NKAIN3: variants seen among roughly 807,000 people sequenced by gnomAD.
The protein encoded by NKAIN3 is sodium/potassium-transporting ATPase subunit beta-1-interacting protein 3.
Under a neutral mutation model 30.2 loss-of-function variants are expected in NKAIN3, and 25 were observed. The ratio of observed to expected loss-of-function variants is 0.83; its 90% confidence interval spans 0.60 to 1.16. NKAIN3 has a LOEUF of 1.16. Among genes scored for constraint, NKAIN3 ranks in the 50% most tolerant of loss-of-function variants. The probability of loss-of-function intolerance (pLI) is 0.00; values close to 1 mark genes in which losing one functional copy is unlikely to be tolerated. For missense variants in NKAIN3, 225 were observed against 254.1 expected (o/e 0.89, Z 0.78); for synonymous variants, 91 against 89.6 (o/e 1.02, Z -0.09).
At position 62,984,895 on chromosome 8, in the gene NKAIN3, T is replaced by C. The variant is rs1360360209; in HGVS notation, c.*19488T>C. 6.6e-6 allele frequency: 1 copy of C among 152,236 alleles called. No individual in the cohort carries two copies. The highest frequency in any genetic ancestry group is 1.5e-5 in the Non-Finnish European group (1 of 68,034). 9.4% of individuals were successfully genotyped at this position (152,236 alleles called of 1,614,324 possible). On this transcript the variant is annotated 3_prime_UTR_variant, in exon 7 of 7. Transcript: ENST00000623646. Reference sequence around the variant, plus strand: ...TTCAACTATGAATAAAAATGTACACTGAAGTACAAGATGACTACTGTTTTT... The same window carrying C: ...TTCAACTATGAATAAAAATGTACACCGAAGTACAAGATGACTACTGTTTTT...
At position 62,257,408 on chromosome 8, in the gene NKAIN3, T is replaced by C. The variant is rs1192380914; in HGVS notation, c.54+8281T>C. 2.0e-5 allele frequency among the ~76,000 whole-genome samples: 3 copies of C among 152,216 alleles called. No individual in the cohort carries two copies. In the East Asian group the frequency reaches 5.8e-4, roughly 29 times the overall value. On this transcript the variant is annotated intron_variant, in intron 1 of 6. Transcript: ENST00000623646. ...ACTTCATATTCTTTACGCTGAAACC[T>C]AATTTGTTTTTAATTCTTTAGGTTG...
intron 4 of NKAIN3, among the ~76,000 whole-genome samples, chr8:62,802,740 A>G (rs2130697320): frequency 6.6e-6 from 1 of 152,318 alleles, no homozygotes; most frequent in East Asian, 1.9e-4. Flanking sequence ...CATCATAATG[A>G]CAGGATCAAA....
intron 1 of NKAIN3, among the ~76,000 whole-genome samples, chr8:62,476,724 G>T (rs1433012590): frequency 6.6e-6 from 1 of 152,034 alleles, no homozygotes; most frequent in Non-Finnish European, 1.5e-5. Flanking sequence ...CAAAGTGCTG[G>T]GATTACAGGC....
rs77295305 is a variant in NKAIN3, at chr8:62,440,732, G to A, written c.55-138807G>A. 5.4e-3 allele frequency among the ~76,000 whole-genome samples: 816 copies of A among 150,110 alleles called. 5 individuals are homozygous for A. Among genetic ancestry groups the A allele is most frequent in the Non-Finnish European group, 8.8e-3 (594 of 67,740 alleles). Reference sequence around the variant, plus strand: ...TTTTTTTCTTCAAGAGAGAGCTAACGACTGTGAAATACAGATGTCAATGAA... The same window carrying A: ...TTTTTTTCTTCAAGAGAGAGCTAACAACTGTGAAATACAGATGTCAATGAA... On this transcript the variant is annotated intron_variant, in intron 1 of 6. Transcript: ENST00000623646.
At chr8:62,915,654 G>A (rs1822073548) in intron 4 of NKAIN3, among the ~76,000 whole-genome samples, 1 of 152,050 alleles carries the variant, frequency 6.6e-6, no homozygotes, top group African/African-American at 2.4e-5. Flanking sequence ...ATGCTTGCAG[G>A]TATACACATA....
At chr8:62,543,484 GAC>G (rs1808908200) in intron 1 of NKAIN3, among the ~76,000 whole-genome samples, 1 of 152,156 alleles carries the variant, frequency 6.6e-6, no homozygotes, top group Non-Finnish European at 1.5e-5. Flanking sequence ...GCTTCAATGT[GAC>G]ACCTTTGAGG....
chr8:62,735,892 G>A (rs75641969), intron 3 of NKAIN3, among the ~76,000 whole-genome samples: 4,502 of 152,110 alleles, frequency 0.03, 235 homozygotes, highest in African/African-American at 0.1. Context: ...GAGCTGAACT[G>A]CAGTGATTGT....
chr8:62,866,347 C>G (rs1477582566), intron 4 of NKAIN3, among the ~76,000 whole-genome samples: 1 of 152,198 alleles, frequency 6.6e-6, no homozygotes, highest in Non-Finnish European at 1.5e-5. Flanking sequence ...TCAAAGGTAA[C>G]AGTGATCATA....
intron 3 of NKAIN3, among the ~76,000 whole-genome samples, chr8:62,613,391 C>T (rs745863340): frequency 5.3e-5 from 8 of 152,124 alleles, no homozygotes; most frequent in Non-Finnish European, 7.4e-5. Context: ...TGCTGCCAGA[C>T]GTATTGGAGC....
At chr8:62,949,676 T>C (rs1346552819) in intron 5 of NKAIN3, among the ~76,000 whole-genome samples, 1 of 152,114 alleles carries the variant, frequency 6.6e-6, no homozygotes. Flanking sequence ...CAGCCCACTG[T>C]GTGGCTGGCT....
chr8:62,356,580 G>A lies in NKAIN3; in HGVS notation c.54+107453G>A, dbSNP rs150091814. Among the ~76,000 whole-genome samples, 44 of 152,064 alleles carry A rather than the reference G, an allele frequency of 2.9e-4. No individual in the cohort carries two copies. The East Asian group carries it at 7.7e-3, about 27-fold the overall frequency. ...CAAATTTTTACCTTAGTATATCCTC[G>A]TCTTTATGGTCCTCTTATCCTAACT... On this transcript the variant is annotated intron_variant, in intron 1 of 6. Coordinates refer to ENST00000623646, the MANE Select transcript of NKAIN3 (RefSeq NM_001304533.3).
chr8:62,735,018 T>A (rs1161222823), intron 3 of NKAIN3, among the ~76,000 whole-genome samples: 6 of 152,210 alleles, frequency 3.9e-5, no homozygotes, highest in African/African-American at 1.4e-4. Flanking sequence ...TGCTTTTGCC[T>A]CACAGCTCTT....
chr8:62,867,395 A>G (rs1820460642), intron 4 of NKAIN3, among the ~76,000 whole-genome samples: 3 of 152,228 alleles, frequency 2.0e-5, no homozygotes, highest in South Asian at 2.1e-4. Flanking sequence ...TGCCTAGCAC[A>G]GTGTATAATC....
intron 3 of NKAIN3, among the ~76,000 whole-genome samples, chr8:62,632,571 C>T (rs555755104): frequency 6.6e-6 from 1 of 152,118 alleles, no homozygotes; most frequent in African/African-American, 2.4e-5. Flanking sequence ...GGCATGATCT[C>T]GGCTCACTGA....
At chr8:62,381,221 G>A (rs948451843) in intron 1 of NKAIN3, among the ~76,000 whole-genome samples, 1 of 151,992 alleles carries the variant, frequency 6.6e-6, no homozygotes, top group Non-Finnish European at 1.5e-5. Context: ...TCATTGATAA[G>A]TTCTCCTGTA....
At chr8:62,870,164 C>T (rs758526802) in intron 4 of NKAIN3, among the ~76,000 whole-genome samples, 2 of 103,402 alleles carry the variant, frequency 1.9e-5, no homozygotes, top group East Asian at 4.5e-4. Context: ...TGTGACTTTG[C>T]CTTATAATCC....
intron 5 of NKAIN3, among the ~76,000 whole-genome samples, chr8:62,931,107 C>A (rs1242415162): frequency 6.6e-6 from 1 of 152,166 alleles, no homozygotes; most frequent in Non-Finnish European, 1.5e-5. Flanking sequence ...AACATGAATT[C>A]ATTGTAATTA....
At chr8:62,694,861 C>T (rs576487099) in intron 3 of NKAIN3, among the ~76,000 whole-genome samples, 5 of 152,242 alleles carry the variant, frequency 3.3e-5, no homozygotes, top group African/African-American at 1.2e-4. Context: ...TTGAGGAGTC[C>T]CTGACCAAAC....
intron 3 of NKAIN3, among the ~76,000 whole-genome samples, chr8:62,614,407 G>A (rs925092750): frequency 6.6e-6 from 1 of 152,138 alleles, no homozygotes; most frequent in Non-Finnish European, 1.5e-5. Flanking sequence ...AGTGGCACAA[G>A]CACCCCTGTG....
Sources: allele counts gnomAD v4.1 joint callset (sites outside exome capture counted in the v4.1 genomes callset), GRCh38; gene constraint gnomAD v4.1.1; transcripts MANE v1.5; gene names NCBI Gene and HGNC (gene_info 2026-07-23, HGNC 2026-07-21).